The following PAM variants were observed in gnomAD, a reference collection of about 807,000 sequenced individuals.
PAM encodes the protein peptidylglycine alpha-amidating monooxygenase.
In PAM, 72 loss-of-function variants were observed where a neutral mutation model predicts 122.1. The ratio of observed to expected loss-of-function variants is 0.59; its 90% CI spans 0.49 to 0.72. The LOEUF is 0.72. PAM is among the 30% of genes least tolerant of loss of function. The probability of loss-of-function intolerance (pLI) is 0.00; values close to 1 mark genes in which losing one functional copy is unlikely to be tolerated. For missense variants in PAM, 1,106 were observed against 1,183.7 expected, an observed-to-expected ratio of 0.93 and a Z score of 0.96; for synonymous variants, 389 against 404.4, an observed-to-expected ratio of 0.96 and a Z score of 0.46.
Position 102,949,960 on chromosome 5 carries a change from G to A in PAM, c.783G>A (p.Gln261=). The change falls in exon 11 of 26, where the codon CAG becomes CAA. Residue 261 remains glutamine (Q), a synonymous_variant. Coordinates refer to ENST00000438793, the MANE Select transcript of PAM (RefSeq NM_001177306.2). ...GACAGTGGACACTGATTGGACGGCA[G>A]AGCCCTCAGCTGCCACAGGTGGGTA... ...RNGQWTLIGR[Q]SPQLPQAFYP... 6.3e-7 allele frequency: 1 copy of A among 1,582,632 alleles called. No individual in the cohort carries two copies. Among genetic ancestry groups the A allele is most frequent in the African/African-American group, 1.3e-5 (1 of 74,410 alleles).
chr5:103,007,165 T>A (rs1015767468), intron 19 of PAM, among the ~76,000 whole-genome samples, 154 bp downstream of exon 19: 7 of 140,760 alleles, frequency 5.0e-5, no homozygotes, highest in Non-Finnish European at 6.1e-5. Context: ...AGCTTGTCTC[T>A]CACACACACA....
chr5:102,796,148 A>T (rs1462595892), intron 1 of PAM, among the ~76,000 whole-genome samples: 1 of 152,200 alleles, frequency 6.6e-6, no homozygotes, highest in Non-Finnish European at 1.5e-5. Flanking sequence ...ATCTGTACAA[A>T]CAAGTTTTTA....
At chr5:102,968,329 G>A (rs1327630392) in intron 14 of PAM, among the ~76,000 whole-genome samples, 2 of 152,200 alleles carry the variant, frequency 1.3e-5, no homozygotes, top group African/African-American at 2.4e-5. Flanking sequence ...GAGGGCAACT[G>A]TCATTCTGAC....
At chr5:102,919,724 T>G (rs1746703911) in intron 5 of PAM, among the ~76,000 whole-genome samples, 1 of 152,112 alleles carries the variant, frequency 6.6e-6, no homozygotes, top group African/African-American at 2.4e-5. Context: ...TGTAATAGAT[T>G]CCTATCATAT....
chr5:103,004,385 T>C (rs995969776), intron 17 of PAM, among the ~76,000 whole-genome samples: 28 of 152,144 alleles, frequency 1.8e-4, no homozygotes, highest in African/African-American at 6.8e-4. Context: ...GGGATCTAGT[T>C]CAGCTAATTA....
At chr5:102,801,791 T>G (rs1764777750) in intron 1 of PAM, among the ~76,000 whole-genome samples, 2 of 145,238 alleles carry the variant, frequency 1.4e-5, no homozygotes, top group South Asian at 4.5e-4. Context: ...TTTTTTTTTT[T>G]TTTTTGAGAC....
intron 15 of PAM, among the ~76,000 whole-genome samples, chr5:102,977,606 C>A (rs1191936100): frequency 6.6e-6 from 1 of 151,320 alleles, no homozygotes; most frequent in Non-Finnish European, 1.5e-5. Flanking sequence ...AAAGGAGACC[C>A]ATCAAGTAGG....
In PAM at chr5:102,785,222, T is replaced by G. The variant is rs1478603404; in HGVS notation, c.-374+29874T>G. 2.0e-5 allele frequency among the ~76,000 whole-genome samples: 3 copies of G among 152,292 alleles called. No homozygotes were observed. The East Asian group carries it at 5.8e-4, about 29-fold the overall frequency. ...ACACCACCTGTGAACTAGTAAGAAA[T>G]GCAGATATCTGGGCCCCTTCCCAGT... On this transcript the variant is annotated intron_variant, in intron 1 of 25. Coordinates refer to ENST00000438793, the MANE Select transcript of PAM (RefSeq NM_001177306.2).
chr5:102,875,089 A>G (rs1396943045), intron 3 of PAM, among the ~76,000 whole-genome samples: 6 of 151,990 alleles, frequency 3.9e-5, no homozygotes, highest in South Asian at 2.1e-4. Flanking sequence ...GTGTGTGTCT[A>G]TACACACACA....
At chr5:102,818,706 C>G (rs1770739335) in intron 1 of PAM, among the ~76,000 whole-genome samples, 1 of 152,150 alleles carries the variant, frequency 6.6e-6, no homozygotes, top group Non-Finnish European at 1.5e-5. Context: ...TTTGTGCCAC[C>G]AGTCATGCAA....
At position 102,949,611 on chromosome 5, in the gene PAM, C is replaced by T. The variant is rs761898981; in HGVS notation, c.718C>T (p.His240Tyr). ...CTTTGCCTATAGAGTTCACACTCAC[C>T]ATTTAGGTAAGAACTTTACATGTTA... Reference protein sequence around the residue: ...HVFAYRVHTHHLGKVVSGYRV... With the variant: ...HVFAYRVHTHYLGKVVSGYRV... The change falls in exon 10 of 26, where the codon CAT becomes TAT. Residue 240 changes from histidine to tyrosine, a missense_variant. Coordinates refer to ENST00000438793, the MANE Select transcript of PAM (RefSeq NM_001177306.2). 2.6e-5 allele frequency: 36 copies of T among 1,386,120 alleles called. No individual in the cohort carries two copies. Among genetic ancestry groups the T allele is most frequent in the Admixed American group, 2.4e-4 (14 of 59,452 alleles). The allele number at this position is 1,386,120 out of a possible 1,614,324, so 85.9% of individuals were successfully genotyped here. A position where few individuals can be genotyped will look rare whatever the true frequency, so the allele number is the denominator to read the frequency against.
chr5:102,835,254 G>C (rs1231336035), intron 1 of PAM, among the ~76,000 whole-genome samples: 1 of 152,074 alleles, frequency 6.6e-6, no homozygotes, highest in East Asian at 1.9e-4. Flanking sequence ...GTCATGTAGT[G>C]ATCCCTTCTC....
At position 102,959,978 on chromosome 5, in the gene PAM, A is replaced by G; in HGVS notation, c.1009A>G (p.Met337Val). ...MTCTQNVAPD[M>V]FRTIPPEANI... ...CTGTACCCAGAATGTAGCTCCAGAT[A>G]TGTTCAGAACCATACCACCAGAGGC... The change falls in exon 13 of 26, where the codon ATG becomes GTG. Residue 337 changes from methionine to valine, a missense_variant. By Grantham distance (21) the Met-to-Val change is conservative (BLOSUM62 1). Transcript: ENST00000438793. 6.2e-7 allele frequency: 1 copy of G among 1,612,360 alleles called. No individual in the cohort carries two copies.
chr5:102,992,538 G>T (rs1774428711), intron 16 of PAM, among the ~76,000 whole-genome samples: 2 of 151,944 alleles, frequency 1.3e-5, no homozygotes, highest in South Asian at 2.1e-4. Flanking sequence ...TTAGATTCAG[G>T]CTCCATTCTT....
chr5:102,907,569 C>G (rs1156479780), intron 4 of PAM, among the ~76,000 whole-genome samples: 2 of 150,744 alleles, frequency 1.3e-5, no homozygotes, highest in African/African-American at 4.9e-5. Context: ...AATGGTTGAA[C>G]TAGTTTACAG....
At chr5:102,771,973 G>A (rs1179009165) in intron 1 of PAM, among the ~76,000 whole-genome samples, 1 of 152,098 alleles carries the variant, frequency 6.6e-6, no homozygotes, top group Non-Finnish European at 1.5e-5. Context: ...ATTTTGTAGA[G>A]TGGAGAAGAA....
At position 102,765,328 on chromosome 5, in the gene PAM, C is replaced by T. The variant is rs150879682; in HGVS notation, c.-374+9980C>T. ...AATAAGATGAAGATACCAAGCCTCC[C>T]TTCTTTCATTCAGTGTAGTTGTGAA... On this transcript the variant is annotated intron_variant, in intron 1 of 25. Coordinates refer to ENST00000438793, the MANE Select transcript of PAM (RefSeq NM_001177306.2). Among the ~76,000 whole-genome samples, 1,135 of 152,332 alleles carry T rather than the reference C, an allele frequency of 7.5e-3. 11 individuals carry two copies. Among genetic ancestry groups the T allele is most frequent in the Admixed American group, 0.021 (321 of 15,300 alleles).
At chr5:102,919,119 A>C (rs1296737257) in intron 5 of PAM, among the ~76,000 whole-genome samples, 1 of 152,110 alleles carries the variant, frequency 6.6e-6, no homozygotes, top group Non-Finnish European at 1.5e-5. Flanking sequence ...CTAAAGCAGT[A>C]GTGCTTTACC....
At chr5:102,769,019 A>G (rs565381946) in intron 1 of PAM, among the ~76,000 whole-genome samples, 1 of 152,238 alleles carries the variant, frequency 6.6e-6, no homozygotes, top group East Asian at 1.9e-4. Flanking sequence ...TTGTTACTAC[A>G]TGTCTTTTGG....
Sources: gnomAD v4.1 joint callset for allele counts (sites outside exome capture counted in the v4.1 genomes callset) on GRCh38, gnomAD v4.1.1 for gene constraint, MANE v1.5 for transcripts, NCBI Gene and HGNC (gene_info 2026-07-23, HGNC 2026-07-21) for gene names.